Variants in TBCD observed in about 807,000 individuals in gnomAD.
TBCD encodes tubulin-specific chaperone D.
A neutral mutation model predicts 169.3 loss-of-function variants in TBCD; 105 were observed. The observed-to-expected ratio is 0.62, with a 90% CI of 0.53 to 0.73. The LOEUF is 0.73. TBCD is among the 30% of genes least tolerant of loss of function. The probability of loss-of-function intolerance (pLI) is 0.00; values close to 1 mark genes in which losing one functional copy is unlikely to be tolerated. For synonymous variants in TBCD, 700 were observed against 643.9 expected (o/e 1.09, Z -1.32); for missense variants, 1,444 against 1,600.1 (o/e 0.90, Z 1.66).
intron 17 of TBCD, among the ~76,000 whole-genome samples, chr17:82,899,624 T>G (rs1284461677): frequency 6.6e-6 from 1 of 152,274 alleles, no homozygotes; most frequent in Non-Finnish European, 1.5e-5. Context: ...AGAAATCATC[T>G]TCATGTGGAT....
intron 6 of TBCD, among the ~76,000 whole-genome samples, chr17:82,775,220 G>A (rs1196323345): frequency 6.6e-6 from 1 of 152,244 alleles, no homozygotes; most frequent in Non-Finnish European, 1.5e-5. Flanking sequence ...CTGAGCCTGG[G>A]ATCCAGGAGA....
chr17:82,935,589 A>C (rs1461391337), intron 34 of TBCD, among the ~76,000 whole-genome samples: 2 of 151,206 alleles, frequency 1.3e-5, no homozygotes, highest in African/African-American at 4.9e-5. Context: ...CGCTTACCCT[A>C]GAAATTAGAA....
intron 9 of TBCD, among the ~76,000 whole-genome samples, chr17:82,803,381 G>C (rs2050717516): frequency 6.6e-6 from 1 of 152,182 alleles, no homozygotes; most frequent in Non-Finnish European, 1.5e-5. Flanking sequence ...AGTTCTCTGC[G>C]GCACTCGGCC....
intron 13 of TBCD, among the ~76,000 whole-genome samples, chr17:82,859,026 G>A (rs1404834852): frequency 1.3e-5 from 2 of 152,246 alleles, no homozygotes; most frequent in African/African-American, 2.4e-5. Context: ...GTCTTTGCTC[G>A]GGGCCCCGAG....
At chr17:82,821,594 TG>T (rs1371184398) in intron 13 of TBCD, among the ~76,000 whole-genome samples, 2 of 152,238 alleles carry the variant, frequency 1.3e-5, no homozygotes, top group South Asian at 4.1e-4. Flanking sequence ...ATCTTCAGGC[TG>T]GGGTCCTTCA....
intron 28 of TBCD, 98 bp from the exon 29 acceptor site, chr17:82,927,088 G>A (rs769528718): frequency 1.0e-4 from 154 of 1,547,348 alleles, no homozygotes; most frequent in Non-Finnish European, 1.2e-4. Flanking sequence ...TGTTCTGAGC[G>A]TGTCTTCTCA....
intron 7 of TBCD, among the ~76,000 whole-genome samples, chr17:82,792,282 T>C (rs2049789994): frequency 6.7e-6 from 1 of 148,344 alleles, no homozygotes; most frequent in Non-Finnish European, 1.5e-5. Flanking sequence ...CATTCCAGCC[T>C]GGGTGACAGA....
chr17:82,861,057 G>A (rs192567103), intron 13 of TBCD, among the ~76,000 whole-genome samples: 51 of 152,238 alleles, frequency 3.4e-4, no homozygotes, highest in Middle Eastern at 3.4e-3. Flanking sequence ...GTTGCAAGAA[G>A]AGTGTGGGCG....
At chr17:82,779,322 T>C (rs2048799002) in intron 6 of TBCD, among the ~76,000 whole-genome samples, 1 of 152,110 alleles carries the variant, frequency 6.6e-6, no homozygotes, top group Non-Finnish European at 1.5e-5. Flanking sequence ...GGTCTTACCA[T>C]GTTTACCAGG....
chr17:82,822,556 T>C (rs1481865295), intron 13 of TBCD, among the ~76,000 whole-genome samples: 1 of 152,074 alleles, frequency 6.6e-6, no homozygotes, highest in African/African-American at 2.4e-5. Context: ...GGCCAGATCC[T>C]AGAGGGGCTT....
rs1200278926 is a variant in TBCD at position 82,889,088 on chromosome 17, G to A, written c.1534-580G>A. ...AGGTAACCTGCTCTGCCTGGTCGGT[G>A]CGCCTAAGGGGGGCAGGGTGTTTGG... On this transcript the variant is annotated intron_variant, in intron 15 of 38. Transcript: ENST00000355528. The surrounding 1 kb of genome is among the most constrained non-coding windows in gnomAD (Gnocchi z 5.3). 6.6e-6 allele frequency among the ~76,000 whole-genome samples: 1 copy of A among 152,218 alleles called. No individual in the cohort carries two copies. The highest frequency in any genetic ancestry group is 1.9e-4 in the East Asian group (1 of 5,188).
intron 13 of TBCD, chr17:82,858,702 A>G: frequency 2.1e-6 from 2 of 965,786 alleles, no homozygotes; most frequent in Non-Finnish European, 2.5e-6. Context: ...ACTTACCTTC[A>G]TATTTTCTGA....
rs1691225284 is a variant in TBCD at position 82,806,791 on chromosome 17, C to T, written c.1087+780C>T. Among the ~76,000 whole-genome samples the T allele has an allele frequency of 1.3e-5, 2 of 152,204 alleles. No homozygotes were observed. The highest frequency in any genetic ancestry group is 2.9e-5 in the Non-Finnish European group (2 of 68,036). Reference sequence around the variant, plus strand: ...GGGCGCCTGTGGCACCGTTGCCAGCCCCGAGCCAGCATCCACTCCGGCCCT... The same window carrying T: ...GGGCGCCTGTGGCACCGTTGCCAGCTCCGAGCCAGCATCCACTCCGGCCCT... On this transcript the variant is annotated intron_variant, in intron 10 of 38. Coordinates refer to ENST00000355528, the MANE Select transcript of TBCD (RefSeq NM_005993.5). This position sits in a 1 kb window ranked among gnomAD's most constrained non-coding sequence, Gnocchi z 5.1.
At chr17:82,913,075 A>ACC (rs759860205) in intron 23 of TBCD, 138 of 152,410 alleles carry the variant, frequency 9.1e-4, no homozygotes, top group African/African-American at 3.3e-3. Context: ...TTTCCGACGT[A>ACC]CCCATGGGTG....
At chr17:82,830,436 G>A in intron 13 of TBCD, 5 of 1,611,778 alleles carry the variant, frequency 3.1e-6, no homozygotes, top group Non-Finnish European at 4.2e-6. Flanking sequence ...GCTCCTCGCT[G>A]CTGTCCACCG....
rs747914002 is a variant in TBCD at position 82,850,262 on chromosome 17, G to GC, written c.1319-19962_1319-19961insC. 4.9e-4 allele frequency among the ~76,000 whole-genome samples: 70 copies of GC among 143,118 alleles called. 2 individuals carry two copies. The highest frequency in any genetic ancestry group is 1.4e-3 in the African/African-American group (52 of 36,292). 93.9% of individuals were successfully genotyped at this position (143,118 alleles called of 152,430 possible). Reference sequence around the variant, plus strand: ...TGTTGGCTGTGCTGTTGTTGGCTGTGTTGTTGTTGGCTGTGCTGCTGTTGG... The same window carrying GC: ...TGTTGGCTGTGCTGTTGTTGGCTGTGCTTGTTGTTGGCTGTGCTGCTGTTGG... On this transcript the variant is annotated intron_variant, in intron 13 of 38. Transcript: ENST00000355528.
chr17:82,885,357 C>G (rs777993421), intron 15 of TBCD, among the ~76,000 whole-genome samples: 1 of 152,158 alleles, frequency 6.6e-6, no homozygotes, highest in Non-Finnish European at 1.5e-5. Context: ...CTTTCTAGCT[C>G]AAAATGTCTG....
At chr17:82,829,992 GTTTT>G (rs893095395) in intron 13 of TBCD, 12 of 1,253,146 alleles carry the variant, frequency 9.6e-6, no homozygotes, top group Non-Finnish European at 1.1e-5. Context: ...GAATTGGAGG[GTTTT>G]TTGTTTGTTT....
At position 82,830,408 on chromosome 17, in the gene TBCD, C is replaced by T. The variant is rs757314791; in HGVS notation, c.1318+15474C>T. 18 of 1,611,696 alleles carry T rather than the reference C, an allele frequency of 1.1e-5. No homozygotes were observed. The highest frequency in any genetic ancestry group is 9.9e-5 in the South Asian group (9 of 91,074). The stretch of plus-strand genomic sequence containing the variant: ...TAGGCCGCCAGCTGGCACAGGGCCA[C>T]GGCTGCCGTCTGCTTCTGCTCCTCG... On this transcript the variant is annotated intron_variant, in intron 13 of 38. Coordinates refer to ENST00000355528, the MANE Select transcript of TBCD (RefSeq NM_005993.5).
Sources: allele counts gnomAD v4.1 joint callset (sites outside exome capture counted in the v4.1 genomes callset), GRCh38; gene constraint gnomAD v4.1.1; non-coding constraint Gnocchi (gnomAD v3.1); transcripts MANE v1.5; gene names NCBI Gene and HGNC (gene_info 2026-07-23, HGNC 2026-07-21).